The following C10orf95 variants were observed in gnomAD, a reference collection of about 807,000 sequenced individuals.
C10orf95 encodes the protein uncharacterized protein C10orf95.
For synonymous variants in C10orf95, 188 were observed against 160.4 expected, an observed-to-expected ratio of 1.17 and a Z score of -1.30; for missense variants, 412 against 327.4, an observed-to-expected ratio of 1.26 and a Z score of -1.99.
At position 102,451,454 on chromosome 10, in the gene C10orf95, G is replaced by C. The variant is rs1238015128; in HGVS notation, c.-123C>G. 3 of 1,428,994 alleles carry C rather than the reference G, an allele frequency of 2.1e-6. No individual in the cohort carries two copies. The highest frequency in any genetic ancestry group is 3.7e-5 in the East Asian group (1 of 27,252). 88.5% of individuals were successfully genotyped at this position (1,428,994 alleles called of 1,614,324 possible). On this transcript the variant is annotated 5_prime_UTR_variant, in exon 1 of 2. Transcript: ENST00000625129. ...GCTCCTCTCCGCACTTTGTAGCTGC[G>C]TTGCTCCGCTCCATGCCCTGCCTCA...
chr10:102,450,603 C>T lies in C10orf95; in HGVS notation c.491G>A (p.Gly164Asp), dbSNP rs897852715. 34 of 1,261,514 alleles carry T rather than the reference C, an allele frequency of 2.7e-5. No homozygotes were observed. The African/African-American group carries it at 4.9e-4, about 18-fold the overall frequency. The allele number at this position is 1,261,514 out of a possible 1,614,324, so 78.1% of individuals were successfully genotyped here. Residue 164 changes from glycine to aspartate, a missense_variant, in exon 2 of 2, where the codon GGC (glycine) becomes GAC (aspartate). Coordinates refer to ENST00000625129, the MANE Select transcript of C10orf95 (RefSeq NM_001363580.1). ...CGGCGTCGCCTGCAGCAGGAACTGG[C>T]CGCGGCGCTGGGTGACGCGCACGTC... ...RADVRVTQRR[G>D]QFLLQATPRV... is the part of the protein sequence containing the mutation.
chr10:102,450,781 C>T lies in C10orf95; in HGVS notation c.313G>A (p.Val105Met). ...SGLSLQAPAA[V>M]AESWAPWPEG... ...GGCCACGGCGCCCAGCTCTCGGCCA[C>T]CGCCGCGGGCGCCTGCAGCGACAGT... The change falls in exon 2 of 2, where the codon GTG (valine) becomes ATG (methionine). Residue 105 changes from valine to methionine, a missense_variant. Val to Met is a conservative substitution (Grantham distance 21, BLOSUM62 1). Coordinates refer to ENST00000625129, the MANE Select transcript of C10orf95 (RefSeq NM_001363580.1). The T allele has an allele frequency of 7.8e-7, 1 of 1,281,334 alleles. No individual in the cohort carries two copies. The highest frequency in any genetic ancestry group is 9.9e-7 in the Non-Finnish European group (1 of 1,014,702). 79.4% of individuals were successfully genotyped at this position (1,281,334 alleles called of 1,614,324 possible).
chr10:102,450,674 G>A lies in C10orf95; in HGVS notation c.420C>T (p.Phe140=). ...ARGPPLQLPD[F]VRRELRRAYG... ...ACGCGCGCCGCAGCTCCCGGCGCAC[G>A]AAGTCCGGTAGCTGCAGAGGGGGGC... The change falls in exon 2 of 2, where the codon TTC becomes TTT. Residue 140 remains phenylalanine, a synonymous_variant. Coordinates refer to ENST00000625129, the MANE Select transcript of C10orf95 (RefSeq NM_001363580.1). The A allele has an allele frequency of 8.1e-7, 1 of 1,229,798 alleles. No individual in the cohort carries two copies. The highest frequency in any genetic ancestry group is 1.0e-6 in the Non-Finnish European group (1 of 986,774). 76.2% of individuals were successfully genotyped at this position (1,229,798 alleles called of 1,614,324 possible). A position where few individuals can be genotyped will look rare whatever the true frequency, so the allele number is the denominator to read the frequency against.
intron 1 of C10orf95, 31 bp from the exon 2 acceptor site, chr10:102,451,178 C>CT (rs761000976): frequency 2.7e-6 from 4 of 1,470,546 alleles, no homozygotes; most frequent in Non-Finnish European, 3.6e-6. Flanking sequence ...TGTAGACAGA[C>CT]TTTCTACTTA....
In C10orf95 at chr10:102,451,038, T is replaced by TGCGGCG. The variant is rs771031631; in HGVS notation, c.50_55dup (p.Pro17_Pro18dup). ...GGCCAGGTAGGTGCAGGTGAGCAGC[T>TGCGGCG]GCGGCGGCGGCGGCCAGACGCCCTG... On this transcript the variant is annotated inframe_insertion, in exon 2 of 2. Transcript: ENST00000625129. 2.2e-6 allele frequency: 3 copies of TGCGGCG among 1,361,904 alleles called. No homozygotes were observed. The highest frequency in any genetic ancestry group is 2.0e-4 in the Middle Eastern group (1 of 4,942). The allele number at this position is 1,361,904 out of a possible 1,614,324, so 84.4% of individuals were successfully genotyped here.
chr10:102,451,455 T>G lies in C10orf95; in HGVS notation c.-124A>C, dbSNP rs2061693195. ...CTCCTCTCCGCACTTTGTAGCTGCG[T>G]TGCTCCGCTCCATGCCCTGCCTCAG... On this transcript the variant is annotated 5_prime_UTR_variant, in exon 1 of 2. Coordinates refer to ENST00000625129, the MANE Select transcript of C10orf95 (RefSeq NM_001363580.1). The G allele has an allele frequency of 7.0e-7, 1 of 1,424,726 alleles. No homozygotes were observed. The highest frequency in any genetic ancestry group is 1.4e-5 in the African/African-American group (1 of 70,312). The allele number at this position is 1,424,726 out of a possible 1,614,324, so 88.3% of individuals were successfully genotyped here.
rs1225330895 is a variant in C10orf95 at position 102,450,501 on chromosome 10, C to T, written c.593G>A (p.Arg198Gln). The change falls in exon 2 of 2, where the codon CGG becomes CAG. Residue 198 changes from arginine (R) to glutamine (Q), a missense_variant. By Grantham distance (43) the Arg-to-Gln change is conservative. Transcript: ENST00000625129. The stretch of plus-strand genomic sequence containing the variant: ...GGGGCGGCCGCGCTCCGCGGCTTCC[C>T]GGGCTGGGCTGCTGTCGCCGCTGTC... The part of the protein sequence containing the change: ...RPDSGDSSPA[R>Q]EAAERGRPRK... 7.0e-7 allele frequency: 1 copy of T among 1,433,796 alleles called. No homozygotes were observed. Among genetic ancestry groups the T allele is most frequent in the South Asian group, 1.4e-5 (1 of 70,254 alleles). 88.8% of individuals were successfully genotyped at this position (1,433,796 alleles called of 1,614,324 possible). A position where few individuals can be genotyped will look rare whatever the true frequency, so the allele number is the denominator to read the frequency against.
Position 102,450,827 on chromosome 10 carries a change from G to A in C10orf95, c.267C>T (p.Cys89=), listed in dbSNP as rs1354233656. 2 of 1,249,074 alleles carry A rather than the reference G, an allele frequency of 1.6e-6. No individual in the cohort carries two copies. Among genetic ancestry groups the A allele is most frequent in the Non-Finnish European group, 2.0e-6 (2 of 1,000,130 alleles). The allele number at this position is 1,249,074 out of a possible 1,614,324, so 77.4% of individuals were successfully genotyped here. Residue 89 remains cysteine (C), a synonymous_variant, in exon 2 of 2, where the codon TGC becomes TGT. Coordinates refer to ENST00000625129, the MANE Select transcript of C10orf95 (RefSeq NM_001363580.1). The part of the protein sequence containing the change: ...PAYATTLRRP[C]AAAGISGLSL... ...ACAGTCCCGAGATGCCGGCGGCGGC[G>A]CAGGGCCGGCGCAGGGTCGTGGCGT...
At position 102,450,688 on chromosome 10, in the gene C10orf95, G is replaced by A; in HGVS notation, c.406C>T (p.Gln136Ter). The change falls in exon 2 of 2, where the codon CAG becomes TAG. Residue 136 changes from glutamine to a stop codon, truncating the protein, a stop_gained. Coordinates refer to ENST00000625129, the MANE Select transcript of C10orf95 (RefSeq NM_001363580.1). LOFTEE classifies it low-confidence loss of function (END_TRUNC). ...TCCCGGCGCACGAAGTCCGGTAGCTGCAGAGGGGGGCCCCGCGCGCGCTCC... is the reference window on the plus strand; with the variant it reads ...TCCCGGCGCACGAAGTCCGGTAGCTACAGAGGGGGGCCCCGCGCGCGCTCC... ...RVERARGPPL[Q>*]LPDFVRRELR... 1 of 1,245,658 alleles carries A rather than the reference G, an allele frequency of 8.0e-7. No homozygotes were observed. Among genetic ancestry groups the A allele is most frequent in the South Asian group, 2.9e-5 (1 of 35,076 alleles). The allele number at this position is 1,245,658 out of a possible 1,614,324, so 77.2% of individuals were successfully genotyped here.
At position 102,450,030 on chromosome 10, in the gene C10orf95, AGC is replaced by A. The variant is rs1565243405; in HGVS notation, c.*420_*421del. On this transcript the variant is annotated 3_prime_UTR_variant, in exon 2 of 2. Coordinates refer to ENST00000625129, the MANE Select transcript of C10orf95 (RefSeq NM_001363580.1). ...CTTGGCAGGAAGGCGGGGGTAGGGGAGCGGTGGGAAAGGGGGGTGGGCGACGA... is the reference window on the plus strand; with the variant it reads ...CTTGGCAGGAAGGCGGGGGTAGGGGAGGTGGGAAAGGGGGGTGGGCGACGA... The A allele has an allele frequency of 8.6e-6, 2 of 232,062 alleles. No homozygotes were observed. The highest frequency in any genetic ancestry group is 2.4e-4 in the East Asian group (2 of 8,214). The allele number at this position is 232,062 out of a possible 1,614,324, so 14.4% of individuals were successfully genotyped here.
In C10orf95 at chr10:102,451,078, A is replaced by G; in HGVS notation, c.16T>C (p.Trp6Arg). 2.9e-6 allele frequency: 4 copies of G among 1,376,322 alleles called. No homozygotes were observed. Among genetic ancestry groups the G allele is most frequent in the Non-Finnish European group, 3.8e-6 (4 of 1,063,992 alleles). The allele number at this position is 1,376,322 out of a possible 1,614,324, so 85.3% of individuals were successfully genotyped here. ...CAGACGCCCTGTTTGGGCGGCGGCC[A>G]GCTGTACACATACATGGTCGGCCCC... The part of the protein sequence containing the change: MYVYS[W>R]PPPKQGVWPP... Residue 6 changes from tryptophan to arginine, a missense_variant, in exon 2 of 2, where the codon TGG becomes CGG. Trp to Arg is a moderately radical substitution (Grantham distance 101). Transcript: ENST00000625129.
Position 102,450,629 on chromosome 10 carries a change from G to T in C10orf95, c.465C>A (p.Ala155=). Residue 155 remains alanine, a synonymous_variant, in exon 2 of 2, where the codon GCC becomes GCA. Transcript: ENST00000625129. The part of the protein sequence containing the change: ...LRRAYGTYPR[A]DVRVTQRRGQ... The stretch of plus-strand genomic sequence containing the variant: ...CGCGGCGCTGGGTGACGCGCACGTC[G>T]GCGCGGGGGTAGGTGCCGTACGCGC... 1 of 1,237,696 alleles carries T rather than the reference G, an allele frequency of 8.1e-7. No homozygotes were observed. Among genetic ancestry groups the T allele is most frequent in the Non-Finnish European group, 1.0e-6 (1 of 992,804 alleles). 76.7% of individuals were successfully genotyped at this position (1,237,696 alleles called of 1,614,324 possible).
Position 102,450,806 on chromosome 10 carries a change from T to A in C10orf95, c.288A>T (p.Gly96=). 1 of 1,255,336 alleles carries A rather than the reference T, an allele frequency of 8.0e-7. No individual in the cohort carries two copies. The highest frequency in any genetic ancestry group is 9.9e-7 in the Non-Finnish European group (1 of 1,005,442). 77.8% of individuals were successfully genotyped at this position (1,255,336 alleles called of 1,614,324 possible). A position where few individuals can be genotyped will look rare whatever the true frequency, so the allele number is the denominator to read the frequency against. Residue 96 remains glycine, a synonymous_variant, in exon 2 of 2, where the codon GGA becomes GGT. Transcript: ENST00000625129. ...CCGCCGCGGGCGCCTGCAGCGACAG[T>A]CCCGAGATGCCGGCGGCGGCGCAGG... The part of the protein sequence containing the change: ...RRPCAAAGIS[G]LSLQAPAAVA...
chr10:102,450,287 T>C lies in C10orf95; in HGVS notation c.*165A>G, dbSNP rs1384701258. 1 of 775,854 alleles carries C rather than the reference T, an allele frequency of 1.3e-6. No individual in the cohort carries two copies. Among genetic ancestry groups the C allele is most frequent in the Admixed American group, 2.0e-5 (1 of 49,450 alleles). 48.1% of individuals were successfully genotyped at this position (775,854 alleles called of 1,614,324 possible). ...CCAGCAATAAAGCGAGAGAAACAAG[T>C]GCAGGAAACTGGCCGGCAGTCATGG... On this transcript the variant is annotated 3_prime_UTR_variant, in exon 2 of 2. Coordinates refer to ENST00000625129, the MANE Select transcript of C10orf95 (RefSeq NM_001363580.1).
chr10:102,450,517 C>G lies in C10orf95; in HGVS notation c.577G>C (p.Asp193His), dbSNP rs767544515. Residue 193 changes from aspartate (D) to histidine (H), a missense_variant, in exon 2 of 2, where the codon GAC becomes CAC. Coordinates refer to ENST00000625129, the MANE Select transcript of C10orf95 (RefSeq NM_001363580.1). ...GCGGCTTCCCGGGCTGGGCTGCTGT[C>G]GCCGCTGTCGGGCCGGCGCCGCACG... is the stretch of plus-strand genomic sequence containing the variant. ...WRVRRRPDSG[D>H]SSPAREAAER... is the part of the protein sequence containing the mutation. 29 of 1,401,700 alleles carry G rather than the reference C, an allele frequency of 2.1e-5. No individual in the cohort carries two copies. The highest frequency in any genetic ancestry group is 3.0e-5 in the African/African-American group (2 of 65,712). 86.8% of individuals were successfully genotyped at this position (1,401,700 alleles called of 1,614,324 possible).
Position 102,450,552 on chromosome 10 carries a change from ACGCGGTGGTCGGGCTCGAGCACG to A in C10orf95, c.519_541del (p.Val174GlyfsTer61). 5 of 1,354,142 alleles carry A rather than the reference ACGCGGTGGTCGGGCTCGAGCACG, an allele frequency of 3.7e-6. No individual in the cohort carries two copies. The highest frequency in any genetic ancestry group is 1.5e-5 in the African/African-American group (1 of 64,898). The allele number at this position is 1,354,142 out of a possible 1,614,324, so 83.9% of individuals were successfully genotyped here. A position where few individuals can be genotyped will look rare whatever the true frequency, so the allele number is the denominator to read the frequency against. On this transcript the variant is annotated frameshift_variant, in exon 2 of 2. Coordinates refer to ENST00000625129, the MANE Select transcript of C10orf95 (RefSeq NM_001363580.1). LOFTEE classifies it low-confidence loss of function (END_TRUNC). The stretch of plus-strand genomic sequence containing the variant: ...GGGCCGGCGCCGCACGCGCCACTCC[ACGCGGTGGTCGGGCTCGAGCACG>A]CGCGGCGTCGCCTGCAGCAGGAACT...
In C10orf95 at chr10:102,450,914, G is replaced by A. The variant is rs1313276952; in HGVS notation, c.180C>T (p.Arg60=). 8.1e-7 allele frequency: 1 copy of A among 1,240,964 alleles called. No homozygotes were observed. The highest frequency in any genetic ancestry group is 1.0e-6 in the Non-Finnish European group (1 of 993,220). 76.9% of individuals were successfully genotyped at this position (1,240,964 alleles called of 1,614,324 possible). A position where few individuals can be genotyped will look rare whatever the true frequency, so the allele number is the denominator to read the frequency against. ...GEWAAPREYH[R]FYGPAAPPEA... is the part of the protein sequence containing the mutation. ...CGGGTGGCGCGGCGGGGCCGTAGAA[G>A]CGGTGGTATTCCCGTGGGGCCGCCC... Residue 60 remains arginine (R), a synonymous_variant, in exon 2 of 2, where the codon CGC becomes CGT. Transcript: ENST00000625129.
chr10:102,451,192 GC>G (rs2061690946), intron 1 of C10orf95, 45 bp from the exon 2 acceptor site: 2 of 1,456,184 alleles, frequency 1.4e-6, no homozygotes, highest in South Asian at 2.9e-5. Context: ...CTACTTAACC[GC>G]CTCCTGTCCC....
At position 102,450,784 on chromosome 10, in the gene C10orf95, C is replaced by T. The variant is rs1482361023; in HGVS notation, c.310G>A (p.Ala104Thr). The change falls in exon 2 of 2, where the codon GCG becomes ACG. Residue 104 changes from alanine (A) to threonine (T), a missense_variant. Physicochemically the swap from Ala to Thr is moderately conservative, Grantham distance 58. Transcript: ENST00000625129. ...ISGLSLQAPA[A>T]VAESWAPWPE... ...CACGGCGCCCAGCTCTCGGCCACCG[C>T]CGCGGGCGCCTGCAGCGACAGTCCC... is the stretch of plus-strand genomic sequence containing the variant. The T allele has an allele frequency of 2.1e-5, 27 of 1,276,088 alleles. No homozygotes were observed. In the East Asian group the frequency reaches 8.0e-4, roughly 38 times the overall value. 79.0% of individuals were successfully genotyped at this position (1,276,088 alleles called of 1,614,324 possible).
Sources: gnomAD v4.1 joint callset for allele counts on GRCh38, gnomAD v4.1.1 for gene constraint, MANE v1.5 for transcripts, NCBI Gene and HGNC (gene_info 2026-07-23, HGNC 2026-07-21) for gene names.